The following BMP6 variants were observed in gnomAD, a reference collection of about 807,000 sequenced individuals.
BMP6 encodes the protein bone morphogenetic protein 6, also known as VG-1-R.
A neutral mutation model predicts 54.1 loss-of-function variants in BMP6; 17 were observed. The observed-to-expected ratio is 0.31, with a 90% CI of 0.22 to 0.47. The LOEUF is 0.47. Among genes scored for constraint, BMP6 ranks in the 20% least tolerant of loss-of-function variants. The pLI, the probability that BMP6 is intolerant of heterozygous loss-of-function variation, is 1.00. For missense variants in BMP6, 720 were observed against 690.4 expected (o/e 1.04, Z -0.48); for synonymous variants, 328 against 291.2 (o/e 1.13, Z -1.28).
intron 1 of BMP6, among the ~76,000 whole-genome samples, chr6:7,769,297 T>G (rs1408632893): frequency 2.0e-5 from 3 of 152,184 alleles, no homozygotes; most frequent in African/African-American, 4.8e-5. Flanking sequence ...AGCCAGTGCC[T>G]CCCAAACTTT....
chr6:7,749,436 T>C (rs1433310132), intron 1 of BMP6, among the ~76,000 whole-genome samples: 1 of 152,260 alleles, frequency 6.6e-6, no homozygotes, highest in East Asian at 1.9e-4. Flanking sequence ...TGTTCAATGT[T>C]TATTCCATAA....
At chr6:7,879,639 G>A (rs1277378496) in intron 5 of BMP6, among the ~76,000 whole-genome samples, 2 of 152,148 alleles carry the variant, frequency 1.3e-5, no homozygotes, top group Non-Finnish European at 2.9e-5. Flanking sequence ...GGTGGTGAGC[G>A]ATAAAAGGTA....
At chr6:7,792,234 C>T (rs1231887659) in intron 1 of BMP6, among the ~76,000 whole-genome samples, 2 of 152,272 alleles carry the variant, frequency 1.3e-5, no homozygotes, top group African/African-American at 4.8e-5. Flanking sequence ...GGATAACACC[C>T]ACATTATCAA....
At chr6:7,862,769 A>G (rs952870206) in intron 4 of BMP6, among the ~76,000 whole-genome samples, 2 of 152,100 alleles carry the variant, frequency 1.3e-5, no homozygotes, top group African/African-American at 4.8e-5. Context: ...GTTTGGTTAC[A>G]TTTCTCCAAC....
At chr6:7,785,459 G>A (rs1758006897) in intron 1 of BMP6, among the ~76,000 whole-genome samples, 1 of 152,180 alleles carries the variant, frequency 6.6e-6, no homozygotes, top group South Asian at 2.1e-4. Context: ...TTTTATTATA[G>A]GATTTAATGT....
At chr6:7,811,020 C>T (rs533107340) in intron 1 of BMP6, among the ~76,000 whole-genome samples, 28 of 152,334 alleles carry the variant, frequency 1.8e-4, no homozygotes, top group Admixed American at 1.6e-3. Flanking sequence ...TAGGTACCCC[C>T]ATGTGGCCCC....
chr6:7,833,961 A>C (rs567508520), intron 1 of BMP6, among the ~76,000 whole-genome samples: 39 of 152,358 alleles, frequency 2.6e-4, no homozygotes, highest in African/African-American at 8.9e-4. Flanking sequence ...TCACGGGCTC[A>C]GGGACAGCTT....
chr6:7,840,391 T>G (rs1203721506), intron 1 of BMP6, among the ~76,000 whole-genome samples: 1 of 152,204 alleles, frequency 6.6e-6, no homozygotes, highest in South Asian at 2.1e-4. Context: ...TGGGTGATGG[T>G]TTCCTTGGTG....
In BMP6 at chr6:7,778,987, C is replaced by T. The variant is rs571572406; in HGVS notation, c.664+51368C>T. Among the ~76,000 whole-genome samples, 10 of 152,370 alleles carry T rather than the reference C, an allele frequency of 6.6e-5. No homozygotes were observed. In the East Asian group the frequency reaches 1.4e-3, roughly 21 times the overall value. ...TGCAACTTCTTTTTCACCAAGCTCA[C>T]AGTCCACTGCCTCAAACAGGTAGGC... On this transcript the variant is annotated intron_variant, in intron 1 of 6. Coordinates refer to ENST00000283147, the MANE Select transcript of BMP6 (RefSeq NM_001718.6).
intron 1 of BMP6, among the ~76,000 whole-genome samples, chr6:7,775,314 C>G (rs1002610900): frequency 6.6e-6 from 1 of 152,166 alleles, no homozygotes; most frequent in Non-Finnish European, 1.5e-5. Flanking sequence ...CTCTCCTTTG[C>G]TCCAAGGATG....
At chr6:7,878,714 C>CT (rs1230996921) in intron 4 of BMP6, among the ~76,000 whole-genome samples, 1 of 152,254 alleles carries the variant, frequency 6.6e-6, no homozygotes, top group Non-Finnish European at 1.5e-5. Context: ...GTAGCGTTGT[C>CT]TGATCATGTG....
At chr6:7,727,882 T>G (rs2113097033) in intron 1 of BMP6, among the ~76,000 whole-genome samples, 1 of 151,562 alleles carries the variant, frequency 6.6e-6, no homozygotes, top group African/African-American at 2.4e-5. Context: ...CCGGGAGCGC[T>G]GTCCCCAGCG....
chr6:7,805,673 AAAAC>A (rs1259954697), intron 1 of BMP6, among the ~76,000 whole-genome samples: 1 of 152,212 alleles, frequency 6.6e-6, no homozygotes, highest in Non-Finnish European at 1.5e-5. Context: ...ATGACTGGGG[AAAAC>A]AAACAGTGTC....
chr6:7,803,064 G>T (rs1758295838), intron 1 of BMP6, among the ~76,000 whole-genome samples: 1 of 152,190 alleles, frequency 6.6e-6, no homozygotes, highest in African/African-American at 2.4e-5. Flanking sequence ...GTTGTGATGG[G>T]TGCTAGGAAG....
chr6:7,831,424 CA>C (rs1198962700), intron 1 of BMP6, among the ~76,000 whole-genome samples: 3 of 152,088 alleles, frequency 2.0e-5, no homozygotes, highest in African/African-American at 7.2e-5. Flanking sequence ...CTGAATTGTC[CA>C]CTTCAAAATG....
chr6:7,857,410 A>G (rs1254793309), intron 2 of BMP6, among the ~76,000 whole-genome samples: 1 of 152,236 alleles, frequency 6.6e-6, no homozygotes, highest in Non-Finnish European at 1.5e-5. Context: ...ATGCAAATGT[A>G]GGGTCTGAGT....
intron 4 of BMP6, among the ~76,000 whole-genome samples, chr6:7,869,941 C>A (rs1304718829): frequency 6.6e-6 from 1 of 152,172 alleles, no homozygotes; most frequent in African/African-American, 2.4e-5. Context: ...GCAGCATGTA[C>A]CCCTGATGGC....
At chr6:7,850,726 G>C (rs533320535) in intron 2 of BMP6, among the ~76,000 whole-genome samples, 1 of 152,150 alleles carries the variant, frequency 6.6e-6, no homozygotes, top group African/African-American at 2.4e-5. Flanking sequence ...ATGAGTACCC[G>C]AGACGATGTG....
At chr6:7,785,588 T>C (rs751902720) in intron 1 of BMP6, among the ~76,000 whole-genome samples, 5 of 152,232 alleles carry the variant, frequency 3.3e-5, no homozygotes, top group Admixed American at 1.3e-4. Context: ...AAGGAATAAA[T>C]GGAGGTCGTG....
Sources: gnomAD v4.1 joint callset for allele counts (sites outside exome capture counted in the v4.1 genomes callset) on GRCh38, gnomAD v4.1.1 for gene constraint, MANE v1.5 for transcripts, NCBI Gene and HGNC (gene_info 2026-07-23, HGNC 2026-07-21) for gene names.